AGL: variants seen among roughly 807,000 people sequenced by gnomAD.
AGL encodes amylo-alpha-1,6-glucosidase and 4-alpha-glucanotransferase.
Under a neutral mutation model 199.3 loss-of-function variants are expected in AGL, and 128 were observed. The ratio of observed to expected loss-of-function variants is 0.64; its 90% CI spans 0.56 to 0.74. The LOEUF is 0.74. AGL is among the 30% of genes least tolerant of loss of function. The pLI, the probability that AGL is intolerant of heterozygous loss-of-function variation, is 0.00. For synonymous variants in AGL, 584 were observed against 594.7 expected (o/e 0.98, Z 0.26); for missense variants, 1,809 against 1,820.8 (o/e 0.99, Z 0.12).
chr1:99,870,989 G>C (rs796516258), intron 7 of AGL, 120 bp downstream of exon 7: 1 of 686,304 alleles, frequency 1.5e-6, no homozygotes. Flanking sequence ...TTGTGTTATT[G>C]TTGATATTAT....
chr1:99,914,857 A>G (rs1490831376), intron 30 of AGL, among the ~76,000 whole-genome samples: 1 of 152,156 alleles, frequency 6.6e-6, no homozygotes, highest in African/African-American at 2.4e-5. Context: ...TTGGAGGATC[A>G]TTTGAGCTCA....
At chr1:99,894,992 A>G (rs1335170706) in intron 24 of AGL, among the ~76,000 whole-genome samples, 1 of 152,116 alleles carries the variant, frequency 6.6e-6, no homozygotes, top group African/African-American at 2.4e-5. Context: ...TGCTGTGTAT[A>G]TTTTATTTGT....
At chr1:99,891,878 T>C in intron 23 of AGL, 139 bp downstream of exon 23, 2 of 955,536 alleles carry the variant, frequency 2.1e-6, no homozygotes, top group Non-Finnish European at 3.3e-6. Flanking sequence ...ATAGTAAATT[T>C]ATTAGCATCC....
chr1:99,855,028 C>T (rs1324364950), intron 2 of AGL, among the ~76,000 whole-genome samples: 1 of 151,904 alleles, frequency 6.6e-6, no homozygotes, highest in Non-Finnish European at 1.5e-5. Flanking sequence ...TGGTGAAACC[C>T]TGTCTCTCCT....
intron 5 of AGL, among the ~76,000 whole-genome samples, chr1:99,868,911 A>G (rs560728775): frequency 2.0e-5 from 3 of 147,672 alleles, no homozygotes; most frequent in East Asian, 2.0e-4. Flanking sequence ...TGCAACCTCC[A>G]CTTATTGGGG....
rs922431480 is a variant in AGL at position 99,891,422 on chromosome 1, T to G, written c.2949+66T>G. On this transcript the variant is annotated intron_variant, in intron 22 of 33. Transcript: ENST00000361915. ...TAATAATAAATATTACCATGTTATA[T>G]ATAATATTTACATTGTTTTCTAACC... 6 of 1,558,180 alleles carry G rather than the reference T, an allele frequency of 3.9e-6. No individual in the cohort carries two copies. In the African/African-American group the frequency reaches 8.2e-5, roughly 21 times the overall value.
chr1:99,904,016 G>A (rs1654059047), intron 27 of AGL, among the ~76,000 whole-genome samples: 1 of 152,144 alleles, frequency 6.6e-6, no homozygotes, highest in Admixed American at 6.5e-5. Flanking sequence ...CTGAAGCAGA[G>A]TAGCTTGCCC....
At chr1:99,861,352 AAAG>A in intron 2 of AGL, 148 bp from the exon 3 acceptor site, 1 of 1,516,172 alleles carries the variant, frequency 6.6e-7, no homozygotes, top group Non-Finnish European at 8.8e-7. Flanking sequence ...ATTGGAATAC[AAAG>A]TAGTGCCAAA....
intron 2 of AGL, among the ~76,000 whole-genome samples, chr1:99,855,219 A>G (rs1426330605): frequency 1.3e-5 from 2 of 152,052 alleles, no homozygotes; most frequent in African/African-American, 4.8e-5. Context: ...AGAAAAAAGA[A>G]AAAGAGAGGA....
chr1:99,897,014 A>G (rs1291376919), intron 25 of AGL, among the ~76,000 whole-genome samples: 1 of 152,062 alleles, frequency 6.6e-6, no homozygotes, highest in Non-Finnish European at 1.5e-5. Context: ...ACGGGGTTTC[A>G]CCGTGTTGGT....
In AGL at chr1:99,917,038, A is replaced by G. The variant is rs138023651; in HGVS notation, c.4481+307A>G. On this transcript the variant is annotated intron_variant, in intron 33 of 33. Transcript: ENST00000361915. ...AGCACAGGATAAATATAAAAACTGAAGGTACTCAGCCTGGGCCTTTTGAGT... is the reference window on the plus strand; with the variant it reads ...AGCACAGGATAAATATAAAAACTGAGGGTACTCAGCCTGGGCCTTTTGAGT... Among the ~76,000 whole-genome samples the G allele has an allele frequency of 0.018, 2,717 of 152,290 alleles. 33 individuals carry two copies. The highest frequency in any genetic ancestry group is 0.068 in the Middle Eastern group (20 of 294).
At chr1:99,856,658 G>A (rs572277109) in intron 2 of AGL, among the ~76,000 whole-genome samples, 20 of 152,092 alleles carry the variant, frequency 1.3e-4, no homozygotes, top group African/African-American at 4.6e-4. Context: ...TAGGGAGCAT[G>A]CTGCCTCCAA....
chr1:99,902,651 A>T, intron 26 of AGL, 32 bp from the exon 27 acceptor site: 1 of 1,499,644 alleles, frequency 6.7e-7, no homozygotes, highest in East Asian at 2.3e-5. Flanking sequence ...TGTAATTTCT[A>T]ACAGAGGTAA....
intron 2 of AGL, among the ~76,000 whole-genome samples, chr1:99,851,596 C>T (rs1306058069): frequency 1.3e-5 from 2 of 152,114 alleles, no homozygotes; most frequent in Non-Finnish European, 2.9e-5. Flanking sequence ...ATATCAAAAA[C>T]TTCTCAAATG....
chr1:99,870,636 C>T, intron 6 of AGL, 55 bp downstream of exon 6: 2 of 1,577,558 alleles, frequency 1.3e-6, no homozygotes, highest in Admixed American at 1.7e-5. Flanking sequence ...CTAAAGCACA[C>T]ATTAAATATA....
At chr1:99,850,913 C>A in intron 1 of AGL, 62 bp from the exon 2 acceptor site, 1 of 797,962 alleles carries the variant, frequency 1.3e-6, no homozygotes, top group South Asian at 1.4e-5. Flanking sequence ...GTGCCGCTGT[C>A]AGCTCTGGAG....
In AGL at chr1:99,921,715, T is replaced by C; in HGVS notation, c.*64T>C. 1 of 1,090,516 alleles carries C rather than the reference T, an allele frequency of 9.2e-7. No individual in the cohort carries two copies. 67.6% of individuals were successfully genotyped at this position (1,090,516 alleles called of 1,614,324 possible). On this transcript the variant is annotated 3_prime_UTR_variant, in exon 34 of 34. Transcript: ENST00000361915. Reference sequence around the variant, plus strand: ...AGGATGCAAGGTCATCATATGTAAATGCCTTATATGCACAGGCTCAAGTTG... The same window carrying C: ...AGGATGCAAGGTCATCATATGTAAACGCCTTATATGCACAGGCTCAAGTTG...
chr1:99,917,844 T>G (rs1377358288), intron 33 of AGL, among the ~76,000 whole-genome samples: 1 of 152,176 alleles, frequency 6.6e-6, no homozygotes, highest in East Asian at 1.9e-4. Context: ...TGTGCTATCA[T>G]CATCATCCAT....
chr1:99,858,873 C>A (rs895063516), intron 2 of AGL, among the ~76,000 whole-genome samples: 1 of 151,678 alleles, frequency 6.6e-6, no homozygotes, highest in East Asian at 1.9e-4. Flanking sequence ...ATTAAGTTAA[C>A]TTTTATATTT....
Sources: gnomAD v4.1 joint callset for allele counts (sites outside exome capture counted in the v4.1 genomes callset) on GRCh38, gnomAD v4.1.1 for gene constraint, MANE v1.5 for transcripts, NCBI Gene and HGNC (gene_info 2026-07-23, HGNC 2026-07-21) for gene names.